PRKACB: variants seen among roughly 807,000 people sequenced by gnomAD.
PRKACB encodes protein kinase cAMP-activated catalytic subunit beta, also known as cAMP-dependent protein kinase catalytic subunit beta.
Under a neutral mutation model 51.4 loss-of-function variants are expected in PRKACB, and 16 were observed. That is an observed-to-expected ratio of 0.31 (90% CI 0.21 to 0.47). PRKACB has a LOEUF of 0.47. Among genes scored for constraint, PRKACB ranks in the 20% least tolerant of loss-of-function variants. PRKACB has a pLI of 1.00. For missense variants in PRKACB, 309 were observed against 464.5 expected (o/e 0.67, Z 3.08); for synonymous variants, 147 against 154.4 (o/e 0.95, Z 0.35).
intron 1 of PRKACB, among the ~76,000 whole-genome samples, chr1:84,090,857 AT>A (rs1648403000): frequency 6.6e-6 from 1 of 152,152 alleles, no homozygotes; most frequent in African/African-American, 2.4e-5. Flanking sequence ...AGTTAGAAAA[AT>A]TTGGGGACAT....
intron 8 of PRKACB, among the ~76,000 whole-genome samples, chr1:84,212,599 T>A (rs1672307151): frequency 6.6e-6 from 1 of 152,134 alleles, no homozygotes; most frequent in South Asian, 2.1e-4. Flanking sequence ...TCTGCCACTT[T>A]ATGGCCTGAT....
intron 1 of PRKACB, among the ~76,000 whole-genome samples, chr1:84,172,120 G>A (rs993529186): frequency 1.3e-5 from 2 of 151,526 alleles, no homozygotes; most frequent in Non-Finnish European, 3.0e-5. Flanking sequence ...AGAGCATCAA[G>A]GATATGGTGG....
chr1:84,179,219 A>G lies in PRKACB; in HGVS notation c.230A>G (p.Lys77Arg). Residue 77 changes from lysine (K) to arginine (R), a missense_variant, in exon 2 of 10, where the codon AAA becomes AGA. By Grantham distance (26) the Lys-to-Arg change is conservative. Around this residue, in one of 3 missense-constraint regions of PRKACB, gnomAD observed 153 missense variants for 190.2 expected, o/e 0.80. Coordinates refer to ENST00000370685, the MANE Select transcript of PRKACB (RefSeq NM_182948.4). The part of the protein sequence containing the change: ...LAKAKEDFLK[K>R]WENPTQNNAG... The stretch of plus-strand genomic sequence containing the variant: ...AAAGCCAAAGAAGACTTTTTGAAAA[A>G]ATGGGAGAATCCAACTCAGGTAAGG... 3 of 1,583,898 alleles carry G rather than the reference A, an allele frequency of 1.9e-6. No individual in the cohort carries two copies. The highest frequency in any genetic ancestry group is 2.6e-6 in the Non-Finnish European group (3 of 1,164,642).
intron 1 of PRKACB, among the ~76,000 whole-genome samples, chr1:84,151,997 A>G (rs906340368): frequency 1.3e-5 from 2 of 152,228 alleles, no homozygotes; most frequent in Non-Finnish European, 1.5e-5. Context: ...CAGATCCATC[A>G]GAGGAATCAC....
chr1:84,194,109 C>T (rs1439104283), intron 5 of PRKACB, among the ~76,000 whole-genome samples: 2 of 152,042 alleles, frequency 1.3e-5, no homozygotes, highest in East Asian at 3.9e-4. Flanking sequence ...TCCTATCGTC[C>T]TCTCTCTCCT....
intron 1 of PRKACB, among the ~76,000 whole-genome samples, chr1:84,099,245 A>G (rs1177273998): frequency 6.6e-6 from 1 of 152,152 alleles, no homozygotes; most frequent in Non-Finnish European, 1.5e-5. Flanking sequence ...ATATTTTAGC[A>G]AAGTACTTTT....
At chr1:84,088,057 A>G (rs1024426619) in intron 1 of PRKACB, among the ~76,000 whole-genome samples, 3 of 152,170 alleles carry the variant, frequency 2.0e-5, no homozygotes, top group African/African-American at 4.8e-5. Context: ...CAGTAATGCT[A>G]TGTATCTATG....
At chr1:84,096,035 T>C (rs1293392880) in intron 1 of PRKACB, among the ~76,000 whole-genome samples, 1 of 152,098 alleles carries the variant, frequency 6.6e-6, no homozygotes, top group Non-Finnish European at 1.5e-5. Context: ...TTGTATCATG[T>C]TATATTTCTT....
rs560091643 is a variant in PRKACB at position 84,184,428 on chromosome 1, T to C, written c.477+293T>C. Reference sequence around the variant, plus strand: ...AGGGATATCTTAATAACAATTCTTATGCAAATTCATACACCCAACACATTT... The same window carrying C: ...AGGGATATCTTAATAACAATTCTTACGCAAATTCATACACCCAACACATTT... On this transcript the variant is annotated intron_variant, in intron 4 of 9. Coordinates refer to ENST00000370685, the MANE Select transcript of PRKACB (RefSeq NM_182948.4). Among the ~76,000 whole-genome samples the C allele has an allele frequency of 7.2e-5, 11 of 152,036 alleles. No homozygotes were observed. The South Asian group carries it at 2.3e-3, about 31-fold the overall frequency.
Position 84,106,152 on chromosome 1 carries a change from C to T in PRKACB, c.46+27781C>T, listed in dbSNP as rs10449710. Among the ~76,000 whole-genome samples the T allele has an allele frequency of 3.8e-3, 576 of 152,160 alleles. 3 individuals carry two copies. Among genetic ancestry groups the T allele is most frequent in the African/African-American group, 0.012 (513 of 41,522 alleles). On this transcript the variant is annotated intron_variant, in intron 1 of 8. Transcript: ENST00000370688. ...ATTCATGTATTTTGATATCCAGAGG[C>T]GCCCTGGAACCAATCTCCCATGGAT... is the stretch of plus-strand genomic sequence containing the variant.
At chr1:84,078,432 C>CTCCGGGTCGCAGCT (rs1026285334) in intron 1 of PRKACB, 1 of 1,579,094 alleles carries the variant, frequency 6.3e-7, no homozygotes, top group African/African-American at 1.4e-5. Context: ...ACCGAGCGCC[C>CTCCGGGTCGCAGCT]TCCGGGTCGC....
intron 5 of PRKACB, among the ~76,000 whole-genome samples, chr1:84,192,941 C>G (rs1403720391): frequency 6.6e-6 from 1 of 152,100 alleles, no homozygotes; most frequent in Non-Finnish European, 1.5e-5. Flanking sequence ...GCTGAATACA[C>G]AAGGCCAAAT....
At chr1:84,095,143 A>T (rs1181202420) in intron 1 of PRKACB, among the ~76,000 whole-genome samples, 1 of 151,838 alleles carries the variant, frequency 6.6e-6, no homozygotes, top group African/African-American at 2.4e-5. Flanking sequence ...ATTTCTCAGA[A>T]TGTATCCCTG....
chr1:84,145,293 A>G lies in PRKACB; in HGVS notation c.187+745A>G, dbSNP rs1293210384. 2.6e-5 allele frequency among the ~76,000 whole-genome samples: 4 copies of G among 152,244 alleles called. No individual in the cohort carries two copies. In the South Asian group the frequency reaches 8.3e-4, roughly 32 times the overall value. ...TAAACAATACTAGTGCCGCCATTCT[A>G]CATCTCACCTTGGACCCTCCTCAAG... is the stretch of plus-strand genomic sequence containing the variant. On this transcript the variant is annotated intron_variant, in intron 1 of 9. Transcript: ENST00000370685.
At chr1:84,177,462 C>T (rs139802821) in intron 1 of PRKACB, among the ~76,000 whole-genome samples, 34 of 152,066 alleles carry the variant, frequency 2.2e-4, no homozygotes, top group African/African-American at 3.9e-4. Context: ...ACAATTTGGC[C>T]GGACACAGTG....
chr1:84,211,982 GA>G (rs1448302414), intron 8 of PRKACB, among the ~76,000 whole-genome samples: 2 of 152,088 alleles, frequency 1.3e-5, no homozygotes, highest in Non-Finnish European at 2.9e-5. Flanking sequence ...TATATGAGTT[GA>G]GCCTAAATCC....
At chr1:84,086,256 C>A in intron 1 of PRKACB, 1 of 1,506,188 alleles carries the variant, frequency 6.6e-7, no homozygotes. Flanking sequence ...AGTCCTGGTT[C>A]CCTTGCCCCC....
chr1:84,216,341 A>G (rs1425970187), intron 9 of PRKACB, among the ~76,000 whole-genome samples: 1 of 152,144 alleles, frequency 6.6e-6, no homozygotes. Context: ...CCCGTCTCAA[A>G]GAAATAAATA....
In PRKACB at chr1:84,196,641, G is replaced by A; in HGVS notation, c.586G>A (p.Ala196Thr). The A allele has an allele frequency of 6.2e-7, 1 of 1,613,644 alleles. No homozygotes were observed. Among genetic ancestry groups the A allele is most frequent in the Non-Finnish European group, 8.5e-7 (1 of 1,179,722 alleles). The change falls in exon 6 of 10, where the codon GCT (alanine) becomes ACT (threonine). Residue 196 changes from alanine (A) to threonine (T), a missense_variant. Ala to Thr is a moderately conservative substitution (Grantham distance 58). Around this residue, in one of 3 missense-constraint regions of PRKACB, gnomAD observed 60 missense variants for 144.4 expected, o/e 0.42. Coordinates refer to ENST00000370685, the MANE Select transcript of PRKACB (RefSeq NM_182948.4). ...FSEPHARFYA[A>T]QIVLTFEYLH... ...TGAGCCCCATGCACGGTTCTATGCAGCTCAGATAGTGCTAACATTCGAGTA... is the reference window on the plus strand; with the variant it reads ...TGAGCCCCATGCACGGTTCTATGCAACTCAGATAGTGCTAACATTCGAGTA...
Sources: allele counts gnomAD v4.1 joint callset (sites outside exome capture counted in the v4.1 genomes callset), GRCh38; gene constraint gnomAD v4.1.1; regional missense constraint gnomAD v4.1.1; transcripts MANE v1.5; gene names NCBI Gene and HGNC (gene_info 2026-07-23, HGNC 2026-07-21).